DLG1: variants seen among roughly 807,000 people sequenced by gnomAD.
The protein encoded by DLG1 is discs large MAGUK scaffold protein 1, also known as disks large homolog 1.
DLG1 carries 42 observed loss-of-function variants against 123.4 expected under a neutral mutation model. The observed-to-expected ratio is 0.34, with a 90% CI of 0.27 to 0.44. The LOEUF is 0.44. DLG1 is among the 20% of genes least tolerant of loss of function. DLG1 has a pLI of 1.00. For synonymous variants in DLG1, 317 were observed against 356.2 expected (o/e 0.89, Z 1.24); for missense variants, 942 against 1,082.6 (o/e 0.87, Z 1.82).
At chr3:197,225,990 A>G (rs1409550190) in intron 4 of DLG1, 1 of 152,592 alleles carries the variant, frequency 6.6e-6, no homozygotes, top group Non-Finnish European at 1.5e-5. Flanking sequence ...AAATCGATCC[A>G]AGACTGAAAT....
chr3:197,238,043 C>T (rs1206910475), intron 4 of DLG1, among the ~76,000 whole-genome samples: 2 of 152,162 alleles, frequency 1.3e-5, no homozygotes, highest in Non-Finnish European at 2.9e-5. Context: ...ATAACTAACA[C>T]CCTATCCCAA....
At chr3:197,130,458 C>A in intron 11 of DLG1, 69 bp downstream of exon 11, 1 of 1,282,124 alleles carries the variant, frequency 7.8e-7, no homozygotes. Flanking sequence ...ATACTGAGAA[C>A]ATTTCACTAA....
intron 4 of DLG1, among the ~76,000 whole-genome samples, chr3:197,253,225 A>G (rs1476145752): frequency 6.6e-6 from 1 of 152,252 alleles, no homozygotes; most frequent in Non-Finnish European, 1.5e-5. Flanking sequence ...AAAACTCAGT[A>G]GTAAAAAGAA....
chr3:197,139,804 C>A (rs3773852), intron 8 of DLG1, among the ~76,000 whole-genome samples: 110,008 of 151,900 alleles, frequency 0.72, 39,963 homozygotes, highest in East Asian at 0.81. Flanking sequence ...TGTTTCCCAG[C>A]CAGAGAGGAA....
At position 197,241,499 on chromosome 3, in the gene DLG1, T is replaced by C. The variant is rs140425340; in HGVS notation, c.318+41180A>G. Among the ~76,000 whole-genome samples the C allele has an allele frequency of 6.9e-3, 1,055 of 152,298 alleles. 7 individuals are homozygous for C. Among genetic ancestry groups the C allele is most frequent in the Non-Finnish European group, 9.5e-3 (647 of 68,024 alleles). ...GGTGTAAAACCCACTGGTAAAATTA[T>C]GTATACACAAAAAACCCAAAATACT... On this transcript the variant is annotated intron_variant, in intron 4 of 24. Coordinates refer to ENST00000667157, the MANE Select transcript of DLG1 (RefSeq NM_001366207.1).
At chr3:197,290,219 C>T (rs1774163387) in intron 3 of DLG1, among the ~76,000 whole-genome samples, 1 of 152,058 alleles carries the variant, frequency 6.6e-6, no homozygotes, top group African/African-American at 2.4e-5. Context: ...AGAAGGAAGG[C>T]TCTTGTTTAG....
intron 4 of DLG1, among the ~76,000 whole-genome samples, chr3:197,277,243 C>G (rs1285066382): frequency 6.6e-6 from 1 of 151,304 alleles, no homozygotes; most frequent in Non-Finnish European, 1.5e-5. Flanking sequence ...AATCTCTAGT[C>G]TAGTTGAAAT....
At chr3:197,245,656 T>C (rs1297946862) in intron 4 of DLG1, among the ~76,000 whole-genome samples, 3 of 152,170 alleles carry the variant, frequency 2.0e-5, no homozygotes, top group African/African-American at 7.2e-5. Context: ...CATTTCTCTT[T>C]GGTCTGGTAA....
intron 4 of DLG1, among the ~76,000 whole-genome samples, chr3:197,221,286 G>C (rs1460042106): frequency 6.6e-6 from 1 of 152,158 alleles, no homozygotes; most frequent in Admixed American, 6.5e-5. Flanking sequence ...GAGAGAACAA[G>C]GCGGGTGGAT....
At chr3:197,239,013 G>A (rs576469248) in intron 4 of DLG1, among the ~76,000 whole-genome samples, 1 of 151,920 alleles carries the variant, frequency 6.6e-6, no homozygotes, top group African/African-American at 2.4e-5. Flanking sequence ...AGAGAACAGA[G>A]AAACAGAAGA....
At chr3:197,056,857 T>C (rs1360115581) in intron 23 of DLG1, among the ~76,000 whole-genome samples, 1 of 152,216 alleles carries the variant, frequency 6.6e-6, no homozygotes, top group Non-Finnish European at 1.5e-5. Context: ...ATTTGACTTC[T>C]ATGAGCAATT....
rs200807386 is a variant in DLG1, at chr3:197,139,763, CTG to C, written c.713+375_713+376del. On this transcript the variant is annotated intron_variant, in intron 8 of 24. Coordinates refer to ENST00000667157, the MANE Select transcript of DLG1 (RefSeq NM_001366207.1). ...AGCCAGAGAGGAAATGGAAAATATT[CTG>C]TGAGTGTACTTAAATAAGTTTATAC... Among the ~76,000 whole-genome samples the C allele has an allele frequency of 9.8e-3, 1,481 of 151,470 alleles. 23 individuals are homozygous for C. Among genetic ancestry groups the C allele is most frequent in the African/African-American group, 0.033 (1,377 of 41,426 alleles).
chr3:197,192,010 T>C (rs560748369), intron 5 of DLG1, among the ~76,000 whole-genome samples: 1 of 150,262 alleles, frequency 6.7e-6, no homozygotes, highest in Non-Finnish European at 1.5e-5. Context: ...ACCCTGTCTC[T>C]ACCAAACAAA....
chr3:197,137,979 C>CAAA (rs11395100), intron 9 of DLG1, among the ~76,000 whole-genome samples: 1 of 147,698 alleles, frequency 6.8e-6, no homozygotes, highest in Non-Finnish European at 1.5e-5. Flanking sequence ...CTCAAAAAAA[C>CAAA]AAACAAAAAA....
At chr3:197,151,938 T>C (rs1794065781) in intron 5 of DLG1, among the ~76,000 whole-genome samples, 2 of 152,184 alleles carry the variant, frequency 1.3e-5, no homozygotes, top group South Asian at 4.1e-4. Flanking sequence ...TAGTTCCTCC[T>C]TCTGGAATAT....
At chr3:197,277,077 A>T (rs929033219) in intron 4 of DLG1, among the ~76,000 whole-genome samples, 6 of 151,966 alleles carry the variant, frequency 3.9e-5, no homozygotes, top group African/African-American at 1.5e-4. Context: ...TTTTTTGTAG[A>T]GATGGAGTTT....
At chr3:197,127,476 A>G (rs1780219909) in intron 11 of DLG1, among the ~76,000 whole-genome samples, 1 of 114,834 alleles carries the variant, frequency 8.7e-6, no homozygotes, top group Admixed American at 9.2e-5. Flanking sequence ...ATATATATAT[A>G]TATATATATA....
At chr3:197,288,378 A>AAG (rs1772908112) in intron 3 of DLG1, among the ~76,000 whole-genome samples, 2 of 149,466 alleles carry the variant, frequency 1.3e-5, no homozygotes, top group Non-Finnish European at 3.0e-5. Context: ...AAAAAAAAAA[A>AAG]AAAAGAAAAG....
At chr3:197,176,743 T>G in intron 5 of DLG1, among the ~76,000 whole-genome samples, 1 of 152,138 alleles carries the variant, frequency 6.6e-6, no homozygotes, top group Non-Finnish European at 1.5e-5. Flanking sequence ...TTGGCAATTA[T>G]GAACACAGCT....
Sources: allele counts gnomAD v4.1 joint callset (sites outside exome capture counted in the v4.1 genomes callset), GRCh38; gene constraint gnomAD v4.1.1; transcripts MANE v1.5; gene names NCBI Gene and HGNC (gene_info 2026-07-23, HGNC 2026-07-21).